The following ASB15 variants were observed in gnomAD, a reference collection of about 807,000 sequenced individuals.
ASB15 encodes the protein ankyrin repeat and SOCS box containing 15.
In ASB15, 54 loss-of-function variants were observed where a neutral mutation model predicts 58.0. The ratio of observed to expected loss-of-function variants is 0.93; its 90% CI spans 0.75 to 1.17. ASB15 has a LOEUF of 1.17. Among genes scored for constraint, ASB15 ranks in the 50% most tolerant of loss-of-function variants. The probability of loss-of-function intolerance (pLI) is 0.00; values close to 1 mark genes in which losing one functional copy is unlikely to be tolerated. For synonymous variants in ASB15, 249 were observed against 262.4 expected, an observed-to-expected ratio of 0.95 and a Z score of 0.50; for missense variants, 680 against 707.4, an observed-to-expected ratio of 0.96 and a Z score of 0.44.
At chr7:123,612,821 C>G (rs984713106) in intron 3 of ASB15, among the ~76,000 whole-genome samples, 6 of 152,154 alleles carry the variant, frequency 3.9e-5, no homozygotes, top group African/African-American at 1.2e-4. Flanking sequence ...AGAGCACAAA[C>G]CTGGAGATGA....
At chr7:123,617,496 T>C (rs1386520908) in intron 6 of ASB15, 83 bp from the exon 7 acceptor site, 3 of 1,232,140 alleles carry the variant, frequency 2.4e-6, no homozygotes, top group Non-Finnish European at 3.4e-6. Flanking sequence ...ATCCGATGTA[T>C]ATAATATTGG....
chr7:123,591,932 A>G (rs1038902860), intron 1 of ASB15, among the ~76,000 whole-genome samples: 4 of 151,976 alleles, frequency 2.6e-5, no homozygotes, highest in Non-Finnish European at 4.4e-5. Context: ...CTGGCCCCAG[A>G]CTTTTTTTTG....
chr7:123,572,361 G>T (rs1035365155), intron 1 of ASB15, among the ~76,000 whole-genome samples: 11 of 151,182 alleles, frequency 7.3e-5, no homozygotes, highest in African/African-American at 2.7e-4. Flanking sequence ...GGACGGTCTC[G>T]ATCTCTTGAC....
intron 7 of ASB15, among the ~76,000 whole-genome samples, chr7:123,620,554 ATTTTTTTTTTTTTTTTT>A (rs869298878): frequency 2.0e-4 from 2 of 10,056 alleles, no homozygotes; most frequent in African/African-American, 7.6e-4. Flanking sequence ...ATATATATAT[ATTTTTTTTTTTTTTTTT>A]TTTTTTTTTT....
At chr7:123,588,808 T>G (rs1021301500) in intron 1 of ASB15, among the ~76,000 whole-genome samples, 1 of 151,826 alleles carries the variant, frequency 6.6e-6, no homozygotes, top group Non-Finnish European at 1.5e-5. Flanking sequence ...TAAATTTCCC[T>G]TTTGATTTCT....
upstream of ASB15, among the ~76,000 whole-genome samples, chr7:123,601,661 A>G (rs564968042): frequency 6.6e-6 from 1 of 152,180 alleles, no homozygotes; most frequent in Non-Finnish European, 1.5e-5. Context: ...TGAACCAATC[A>G]GGACAGAGAT....
At chr7:123,607,634 C>T (rs1177734986) in intron 2 of ASB15, among the ~76,000 whole-genome samples, 1 of 152,074 alleles carries the variant, frequency 6.6e-6, no homozygotes, top group Non-Finnish European at 1.5e-5. Flanking sequence ...CTACAGGTGC[C>T]TACCACCACA....
upstream of ASB15, among the ~76,000 whole-genome samples, chr7:123,601,659 T>G (rs1233130208): frequency 2.6e-5 from 4 of 152,174 alleles, no homozygotes; most frequent in Non-Finnish European, 5.9e-5. Flanking sequence ...TTTGAACCAA[T>G]CAGGACAGAG....
intron 2 of ASB15, among the ~76,000 whole-genome samples, chr7:123,606,774 A>G (rs1278157781): frequency 6.6e-6 from 1 of 152,170 alleles, no homozygotes; most frequent in Non-Finnish European, 1.5e-5. Flanking sequence ...GTTGTCACAA[A>G]TGGCAAGATT....
intron 1 of ASB15, among the ~76,000 whole-genome samples, chr7:123,576,485 A>G (rs1462208996): frequency 1.3e-5 from 2 of 152,056 alleles, no homozygotes; most frequent in Non-Finnish European, 2.9e-5. Context: ...TATTTGTGCC[A>G]TAGGAATTTC....
At chr7:123,595,440 G>T (rs532588497) in intron 1 of ASB15, among the ~76,000 whole-genome samples, 1 of 152,158 alleles carries the variant, frequency 6.6e-6, no homozygotes, top group Non-Finnish European at 1.5e-5. Flanking sequence ...CTTTGTGAAA[G>T]TTCTCAGCAC....
chr7:123,590,779 C>T (rs187273975), intron 1 of ASB15, among the ~76,000 whole-genome samples: 36 of 152,210 alleles, frequency 2.4e-4, no homozygotes, highest in African/African-American at 6.3e-4. Flanking sequence ...CTTGGCTATG[C>T]GGGCTCCTTT....
chr7:123,570,939 C>T (rs1356174885), intron 1 of ASB15, among the ~76,000 whole-genome samples: 9 of 152,110 alleles, frequency 5.9e-5, no homozygotes. Context: ...CTGGGTGAGT[C>T]CTTTAACTCC....
chr7:123,597,917 C>CGT (rs61508655), upstream of ASB15, among the ~76,000 whole-genome samples: 23,187 of 132,692 alleles, frequency 0.17, 1,953 homozygotes, highest in Non-Finnish European at 0.21. Flanking sequence ...TTTCAAACTT[C>CGT]GTGTGTGTGT....
At chr7:123,603,298 ATAG>A (rs1291113226) in intron 1 of ASB15, among the ~76,000 whole-genome samples, 1 of 152,190 alleles carries the variant, frequency 6.6e-6, no homozygotes, top group Non-Finnish European at 1.5e-5. Context: ...GACAAATAGG[ATAG>A]TCTGAACATC....
chr7:123,607,136 G>C (rs190847095), intron 2 of ASB15, among the ~76,000 whole-genome samples: 2 of 152,084 alleles, frequency 1.3e-5, no homozygotes, highest in African/African-American at 2.4e-5. Flanking sequence ...TACATATGTC[G>C]AATTATCAAG....
chr7:123,627,043 CTGT>C, intron 8 of ASB15, 64 bp from the exon 9 acceptor site: 1 of 1,490,554 alleles, frequency 6.7e-7, no homozygotes, highest in Non-Finnish European at 9.2e-7. Flanking sequence ...CCACAACAGG[CTGT>C]TTTTAAGGGG....
chr7:123,597,059 T>C (rs1189340616), upstream of ASB15, among the ~76,000 whole-genome samples: 1 of 152,218 alleles, frequency 6.6e-6, no homozygotes. Context: ...CAATAATCCC[T>C]CTTACACACG....
chr7:123,618,905 G>A (rs778128774), intron 7 of ASB15, among the ~76,000 whole-genome samples: 1 of 152,090 alleles, frequency 6.6e-6, no homozygotes, highest in African/African-American at 2.4e-5. Context: ...GCCAGGCGCG[G>A]TGGCTCATGC....
Sources: gnomAD v4.1 joint callset for allele counts (sites outside exome capture counted in the v4.1 genomes callset) on GRCh38, gnomAD v4.1.1 for gene constraint, MANE v1.5 for transcripts, NCBI Gene and HGNC (gene_info 2026-07-23, HGNC 2026-07-21) for gene names.